Variants in CLCN5 observed in about 807,000 individuals in gnomAD.
CLCN5 encodes the protein H(+)/Cl(-) exchange transporter 5.
CLCN5 carries 17 observed loss-of-function variants against 54.0 expected under a neutral mutation model. The observed-to-expected ratio is 0.31, with a 90% CI of 0.22 to 0.47. The LOEUF (loss-of-function observed/expected upper bound fraction) is 0.47, where lower values mean the gene tolerates loss of function less well. CLCN5 is among the 20% of genes least tolerant of loss of function. CLCN5 has a pLI of 1.00. For missense variants in CLCN5, 448 were observed against 646.7 expected (o/e 0.69, Z 3.33); for synonymous variants, 222 against 233.0 (o/e 0.95, Z 0.43).
intron 3 of CLCN5, among the ~76,000 whole-genome samples, chrX:49,939,656 G>A (rs1197237374): frequency 9.0e-6 from 1 of 110,611 alleles, no homozygotes; most frequent in Non-Finnish European, 1.9e-5. Flanking sequence ...GGGGTAGAGG[G>A]GAGGGATAGC....
chrX:49,943,740 C>G (rs1348344902), intron 3 of CLCN5, among the ~76,000 whole-genome samples: 1 of 111,427 alleles, frequency 9.0e-6, no homozygotes, highest in East Asian at 2.8e-4. Context: ...TCTGAGTGCT[C>G]TGTTCTGTTC....
At chrX:49,926,275 T>C (rs1335175867) in intron 3 of CLCN5, among the ~76,000 whole-genome samples, 1 of 112,507 alleles carries the variant, frequency 8.9e-6, no homozygotes, top group Non-Finnish European at 1.9e-5. Flanking sequence ...GGATTTGGCC[T>C]GTATGCTTCC....
chrX:50,056,910 T>G (rs1932758720), intron 4 of CLCN5, among the ~76,000 whole-genome samples: 1 of 112,004 alleles, frequency 8.9e-6, no homozygotes, highest in Non-Finnish European at 1.9e-5. Context: ...TTCTTGCAGT[T>G]CCATTTCCCA....
chrX:50,045,699 T>C (rs781806602), intron 4 of CLCN5, among the ~76,000 whole-genome samples: 11 of 112,435 alleles, frequency 9.8e-5, no homozygotes, highest in African/African-American at 3.2e-4. Flanking sequence ...ACAGGAGAAC[T>C]ACTGCTTCTA....
At chrX:50,004,916 GA>G (rs1930079192) in intron 3 of CLCN5, among the ~76,000 whole-genome samples, 1 of 110,634 alleles carries the variant, frequency 9.0e-6, no homozygotes, top group African/African-American at 3.3e-5. Flanking sequence ...ATCTCAAAAA[GA>G]AAAAAAATTG....
chrX:50,071,387 C>T (rs1055302707), intron 5 of CLCN5, among the ~76,000 whole-genome samples: 1 of 111,899 alleles, frequency 8.9e-6, no homozygotes, highest in Admixed American at 9.5e-5. Context: ...ATTCATCAGG[C>T]GGGCTTTAGA....
intron 3 of CLCN5, among the ~76,000 whole-genome samples, chrX:49,949,608 A>G (rs782157565): frequency 5.4e-5 from 6 of 111,608 alleles, no homozygotes; most frequent in Non-Finnish European, 3.8e-5. Context: ...TTTCAAGGGG[A>G]ACTTACCGCC....
chrX:50,095,250 G>A lies in CLCN5; in HGVS notation c.*3031G>A, dbSNP rs1301099799. The A allele has an allele frequency of 8.9e-6, 1 of 112,321 alleles. No individual in the cohort carries two copies. Among genetic ancestry groups the A allele is most frequent in the Non-Finnish European group, 1.9e-5 (1 of 53,294 alleles). 9.3% of individuals were successfully genotyped at this position (112,321 alleles called of 1,213,427 possible). On this transcript the variant is annotated 3_prime_UTR_variant, in exon 15 of 15. Coordinates refer to ENST00000376091, the MANE Select transcript of CLCN5 (RefSeq NM_001127898.4). ...TGTAAAAGTAAAACTGCTATATTTT[G>A]TATCTTCAAATCTTCAATATAAAGA...
chrX:49,996,688 T>C (rs17174051), intron 3 of CLCN5, among the ~76,000 whole-genome samples: 8,336 of 112,249 alleles, frequency 0.074, 764 homozygotes, highest in African/African-American at 0.26. Flanking sequence ...TATTCCTCTT[T>C]ACAGTCAAAT....
At chrX:50,013,538 C>T (rs1281015456) in intron 3 of CLCN5, among the ~76,000 whole-genome samples, 9 of 111,609 alleles carry the variant, frequency 8.1e-5, no homozygotes, top group African/African-American at 2.3e-4. Context: ...TTCTCATTCT[C>T]TTATGAATAC....
intron 3 of CLCN5, among the ~76,000 whole-genome samples, chrX:49,927,376 T>C (rs1925402197): frequency 1.8e-5 from 2 of 112,304 alleles, no homozygotes; most frequent in Non-Finnish European, 3.8e-5. Flanking sequence ...TGAAACCTCA[T>C]TTTTCCAGCA....
At chrX:50,007,396 T>TG (rs1557181532) in intron 3 of CLCN5, among the ~76,000 whole-genome samples, 2 of 78,754 alleles carry the variant, frequency 2.5e-5, no homozygotes, top group Non-Finnish European at 2.4e-5. Context: ...TCTCTCTCTC[T>TG]TTCTCTCTCT....
chrX:49,994,071 A>G (rs370760004), intron 3 of CLCN5, among the ~76,000 whole-genome samples: 6 of 112,094 alleles, frequency 5.4e-5, no homozygotes, highest in African/African-American at 1.9e-4. Flanking sequence ...AGCAAAAGAG[A>G]ATCGACATTC....
chrX:49,924,897 G>T (rs782463469), intron 2 of CLCN5, among the ~76,000 whole-genome samples: 1 of 112,027 alleles, frequency 8.9e-6, no homozygotes, highest in Admixed American at 9.4e-5. Flanking sequence ...GGTGCTTAAC[G>T]GTGATTTCAT....
chrX:49,961,869 A>C (rs1250145540), intron 3 of CLCN5, among the ~76,000 whole-genome samples: 5 of 111,941 alleles, frequency 4.5e-5, no homozygotes, highest in Non-Finnish European at 9.4e-5. Context: ...GCTCTTTGTG[A>C]AATTTTCTCC....
rs1434337324 is a variant in CLCN5, at chrX:50,058,398, G to T, written c.164-11481G>T. Among the ~76,000 whole-genome samples the T allele has an allele frequency of 1.4e-4, 16 of 110,545 alleles. No homozygotes were observed. In the Admixed American group the frequency reaches 1.5e-3, roughly 10 times the overall value. ...AAATTTCTAATGGCATATTGGTTAG[G>T]GATTTAAATAAACATTATTCTCAAC... is the stretch of plus-strand genomic sequence containing the variant. On this transcript the variant is annotated intron_variant, in intron 4 of 14. Transcript: ENST00000376091.
intron 9 of CLCN5, among the ~76,000 whole-genome samples, chrX:50,082,870 G>T (rs1236602552): frequency 9.0e-6 from 1 of 111,120 alleles, no homozygotes; most frequent in East Asian, 2.8e-4. Context: ...ACTTGAATTA[G>T]TTTCTCTCTG....
At chrX:50,022,899 G>A (rs374346332) in intron 3 of CLCN5, among the ~76,000 whole-genome samples, 1 of 81,715 alleles carries the variant, frequency 1.2e-5, no homozygotes, top group African/African-American at 6.8e-5. Flanking sequence ...ACTTCCAACT[G>A]TGTGGTCAAT....
chrX:50,002,679 C>CTGTG lies in CLCN5; in HGVS notation c.17-39636_17-39635insGTGT, dbSNP rs782379027. 1.3e-3 allele frequency among the ~76,000 whole-genome samples: 127 copies of CTGTG among 100,524 alleles called. 1 individual carries two copies. The highest frequency in any genetic ancestry group is 2.0e-3 in the African/African-American group (53 of 26,273). 87.3% of individuals were successfully genotyped at this position (100,524 alleles called of 115,157 possible). A position where few individuals can be genotyped will look rare whatever the true frequency, so the allele number is the denominator to read the frequency against. ...TCTGTCTCTGTCTCTCTCTCTCTCTCTCTGTGTGTGTGTGTGTGTGTGTGT... is the reference window on the plus strand; with the variant it reads ...TCTGTCTCTGTCTCTCTCTCTCTCTCTGTGTCTGTGTGTGTGTGTGTGTGTGTGT... On this transcript the variant is annotated intron_variant, in intron 3 of 14. Transcript: ENST00000376091.
Sources: allele counts gnomAD v4.1 joint callset (sites outside exome capture counted in the v4.1 genomes callset), GRCh38; gene constraint gnomAD v4.1.1; transcripts MANE v1.5; gene names NCBI Gene and HGNC (gene_info 2026-07-23, HGNC 2026-07-21).